FSTL5: variants seen among roughly 807,000 people sequenced by gnomAD.
The protein encoded by FSTL5 is follistatin-related protein 5.
Under a neutral mutation model 89.1 loss-of-function variants are expected in FSTL5, and 62 were observed. The ratio of observed to expected loss-of-function variants is 0.70; its 90% confidence interval spans 0.57 to 0.86. The LOEUF is 0.86. Among genes scored for constraint, FSTL5 ranks in the 40% least tolerant of loss-of-function variants. The pLI, the probability that FSTL5 is intolerant of heterozygous loss-of-function variation, is 0.00. For synonymous variants in FSTL5, 383 were observed against 346.2 expected (o/e 1.11, Z -1.18); for missense variants, 1,057 against 1,001.6 (o/e 1.06, Z -0.75).
At chr4:162,132,990 T>C (rs1044082066) in intron 1 of FSTL5, among the ~76,000 whole-genome samples, 2 of 152,236 alleles carry the variant, frequency 1.3e-5, no homozygotes, top group Admixed American at 1.3e-4. Context: ...TCGCCCAGGC[T>C]GGAGTGCAGT....
intron 4 of FSTL5, among the ~76,000 whole-genome samples, chr4:161,904,689 GA>G (rs1296794560): frequency 6.6e-6 from 1 of 151,240 alleles, no homozygotes; most frequent in Admixed American, 6.6e-5. Context: ...ACTTAGTAAA[GA>G]AAAAAATATT....
At chr4:161,562,645 G>C (rs149059816) in intron 8 of FSTL5, among the ~76,000 whole-genome samples, 1 of 151,514 alleles carries the variant, frequency 6.6e-6, no homozygotes. Context: ...GTCATTGCTA[G>C]TGTATGCAGA....
At chr4:161,697,516 A>G (rs1738210885) in intron 6 of FSTL5, among the ~76,000 whole-genome samples, 1 of 152,228 alleles carries the variant, frequency 6.6e-6, no homozygotes, top group Non-Finnish European at 1.5e-5. Context: ...GTATATATGC[A>G]TTATGGAATA....
intron 4 of FSTL5, among the ~76,000 whole-genome samples, chr4:161,828,806 G>A (rs1730747982): frequency 6.6e-6 from 1 of 151,950 alleles, no homozygotes; most frequent in African/African-American, 2.4e-5. Flanking sequence ...CATATTATTA[G>A]TACAACACAT....
intron 15 of FSTL5, among the ~76,000 whole-genome samples, chr4:161,442,910 C>T (rs757829137): frequency 1.4e-4 from 22 of 151,900 alleles, no homozygotes; most frequent in Non-Finnish European, 2.8e-4. Flanking sequence ...GAATTTGGGG[C>T]TCACTGGTGG....
chr4:161,840,762 C>CA (rs1731184922), intron 4 of FSTL5, among the ~76,000 whole-genome samples: 1 of 151,282 alleles, frequency 6.6e-6, no homozygotes, highest in Non-Finnish European at 1.5e-5. Flanking sequence ...ATGTGTTTAT[C>CA]CCCCAAGTTG....
At chr4:161,399,003 T>C (rs766841164) in intron 15 of FSTL5, among the ~76,000 whole-genome samples, 1 of 152,094 alleles carries the variant, frequency 6.6e-6, no homozygotes, top group Non-Finnish European at 1.5e-5. Flanking sequence ...AAAAAATGTT[T>C]ATAAAACACT....
At chr4:162,066,643 C>T (rs114979964) in intron 2 of FSTL5, among the ~76,000 whole-genome samples, 5,346 of 126,458 alleles carry the variant, frequency 0.042, 145 homozygotes, top group South Asian at 0.11. Flanking sequence ...TCCATGTGTT[C>T]TATTGTTCAA....
At chr4:161,636,511 C>A (rs1420707722) in intron 7 of FSTL5, among the ~76,000 whole-genome samples, 9 of 138,706 alleles carry the variant, frequency 6.5e-5, no homozygotes, top group Admixed American at 5.4e-4. Flanking sequence ...GTGCACATTG[C>A]GCAGGTTAGT....
At chr4:161,602,290 A>AGAGG (rs1208202542) in intron 7 of FSTL5, among the ~76,000 whole-genome samples, 7 of 140,950 alleles carry the variant, frequency 5.0e-5, no homozygotes, top group Non-Finnish European at 9.3e-5. Flanking sequence ...AGAGAGAGAG[A>AGAGG]GAGGATTAAT....
intron 3 of FSTL5, among the ~76,000 whole-genome samples, chr4:161,964,730 G>C (rs1735276570): frequency 6.6e-6 from 1 of 151,938 alleles, no homozygotes; most frequent in South Asian, 2.1e-4. Flanking sequence ...ATAGTTTCCT[G>C]TGTTTGCCTT....
chr4:161,927,341 A>G (rs920350783), intron 3 of FSTL5, among the ~76,000 whole-genome samples: 1 of 151,012 alleles, frequency 6.6e-6, no homozygotes, highest in African/African-American at 2.4e-5. Context: ...GCAGATAGAT[A>G]TTCTCAAATG....
intron 2 of FSTL5, among the ~76,000 whole-genome samples, chr4:162,058,011 A>C (rs1738602929): frequency 6.6e-6 from 1 of 152,168 alleles, no homozygotes; most frequent in Non-Finnish European, 1.5e-5. Context: ...TATGTCACAC[A>C]CATATTCTGA....
intron 2 of FSTL5, among the ~76,000 whole-genome samples, chr4:162,075,585 T>C (rs922456069): frequency 1.6e-4 from 24 of 151,936 alleles, no homozygotes; most frequent in African/African-American, 5.3e-4. Flanking sequence ...GATCTGAGGA[T>C]TTACACTACT....
chr4:161,754,959 C>A (rs774233047), intron 6 of FSTL5, among the ~76,000 whole-genome samples: 1 of 151,956 alleles, frequency 6.6e-6, no homozygotes, highest in Non-Finnish European at 1.5e-5. Flanking sequence ...TTTAATTCTA[C>A]GAGAAACTTT....
At chr4:161,598,286 A>G (rs1734102331) in intron 7 of FSTL5, among the ~76,000 whole-genome samples, 1 of 152,038 alleles carries the variant, frequency 6.6e-6, no homozygotes, top group African/African-American at 2.4e-5. Context: ...GAGACAGGAG[A>G]ATAGCTTGAA....
intron 1 of FSTL5, among the ~76,000 whole-genome samples, chr4:162,126,966 C>T (rs577554515): frequency 6.6e-6 from 1 of 152,228 alleles, no homozygotes; most frequent in South Asian, 2.1e-4. Flanking sequence ...ATTCAGTCAC[C>T]AGCCTAGTGG....
intron 15 of FSTL5, among the ~76,000 whole-genome samples, chr4:161,434,097 C>T (rs1732475350): frequency 6.6e-6 from 1 of 152,154 alleles, no homozygotes; most frequent in South Asian, 2.1e-4. Context: ...ATAGCCAAAG[C>T]AATCCTGAAC....
At chr4:161,878,116 A>C (rs1732508348) in intron 4 of FSTL5, among the ~76,000 whole-genome samples, 1 of 152,172 alleles carries the variant, frequency 6.6e-6, no homozygotes. Flanking sequence ...GAAAATAAAC[A>C]GATATATTCA....
Sources: gnomAD v4.1 joint callset for allele counts (sites outside exome capture counted in the v4.1 genomes callset) on GRCh38, gnomAD v4.1.1 for gene constraint, MANE v1.5 for transcripts, NCBI Gene and HGNC (gene_info 2026-07-23, HGNC 2026-07-21) for gene names.